The following ARRB1 variants were observed in gnomAD, a reference collection of about 807,000 sequenced individuals.
The protein encoded by ARRB1 is beta-arrestin-1.
Under a neutral mutation model 56.8 loss-of-function variants are expected in ARRB1, and 21 were observed. The observed-to-expected ratio is 0.37, with a 90% CI of 0.26 to 0.53. The LOEUF (loss-of-function observed/expected upper bound fraction) is 0.53. ARRB1 is among the 20% of genes least tolerant of loss of function. The pLI is 0.88. For synonymous variants in ARRB1, 210 were observed against 218.6 expected (o/e 0.96, Z 0.35); for missense variants, 424 against 553.7 (o/e 0.77, Z 2.35).
At chr11:75,270,798 A>C (rs1313736426) in intron 13 of ARRB1, 4 of 152,162 alleles carry the variant, frequency 2.6e-5, no homozygotes, top group African/African-American at 9.7e-5. Flanking sequence ...CTTGTCTCAG[A>C]ATAAAAAATA....
chr11:75,290,639 G>T (rs1419509504), intron 1 of ARRB1, among the ~76,000 whole-genome samples: 2 of 152,164 alleles, frequency 1.3e-5, no homozygotes, highest in African/African-American at 4.8e-5. Flanking sequence ...GAGTGCAGTG[G>T]CGTGATCTCA....
chr11:75,273,323 C>G (rs115052740), intron 11 of ARRB1, among the ~76,000 whole-genome samples: 1 of 145,952 alleles, frequency 6.9e-6, no homozygotes, highest in African/African-American at 2.5e-5. Context: ...AAGGGCCACA[C>G]GGGGAGTTCA....
At position 75,264,043 on chromosome 11, in the gene ARRB1, G is replaced by A. The variant is rs754083251; in HGVS notation, c.*2120C>T. The A allele has an allele frequency of 7.2e-5, 11 of 152,294 alleles. No individual in the cohort carries two copies. The highest frequency in any genetic ancestry group is 2.2e-4 in the African/African-American group (9 of 41,462). 9.4% of individuals were successfully genotyped at this position (152,294 alleles called of 1,614,324 possible). A position where few individuals can be genotyped will look rare whatever the true frequency, so the allele number is the denominator to read the frequency against. ...TCAGCTCTGCGCCTGCCCAGATGAG[G>A]TGCAGCCTGCCCAGCAAGCTCTAGG... On this transcript the variant is annotated 3_prime_UTR_variant, in exon 16 of 16. Coordinates refer to ENST00000420843, the MANE Select transcript of ARRB1 (RefSeq NM_004041.5).
intron 13 of ARRB1, chr11:75,271,423 G>A: frequency 2.8e-6 from 1 of 352,082 alleles, no homozygotes; most frequent in Non-Finnish European, 5.1e-6. Context: ...TAATTCAGGT[G>A]ATCAGTAATT....
Position 75,300,202 on chromosome 11 carries a change from CAAAAA to C in ARRB1, c.21-10168_21-10164del, listed in dbSNP as rs10557397. Among the ~76,000 whole-genome samples the C allele has an allele frequency of 1.8e-3, 158 of 87,310 alleles. 1 individual carries two copies. Among genetic ancestry groups the C allele is most frequent in the African/African-American group, 5.6e-3 (142 of 25,294 alleles). 57.3% of individuals were successfully genotyped at this position (87,310 alleles called of 152,430 possible). A position where few individuals can be genotyped will look rare whatever the true frequency, so the allele number is the denominator to read the frequency against. On this transcript the variant is annotated intron_variant, in intron 1 of 15. Transcript: ENST00000420843. ...TGGGCAACACAGTGAGACTCTGTCT[CAAAAA>C]AAAAAAAAAAAAAAAGAAAGAAAGA...
chr11:75,299,295 A>C (rs971433594), intron 1 of ARRB1, among the ~76,000 whole-genome samples: 1 of 152,024 alleles, frequency 6.6e-6, no homozygotes, highest in East Asian at 1.9e-4. Flanking sequence ...ATGTGCCTAA[A>C]TACTGACAGG....
chr11:75,338,002 A>C (rs2134986440), intron 1 of ARRB1, among the ~76,000 whole-genome samples: 1 of 152,134 alleles, frequency 6.6e-6, no homozygotes, highest in South Asian at 2.1e-4. Flanking sequence ...ATTCCAGCTA[A>C]AGAGATCGGC....
At chr11:75,312,214 G>C (rs1947178179) in intron 1 of ARRB1, 1 of 1,173,916 alleles carries the variant, frequency 8.5e-7, no homozygotes, top group Non-Finnish European at 1.1e-6. Flanking sequence ...CCCTAGGAAT[G>C]ATGGGAAATG....
intron 1 of ARRB1, among the ~76,000 whole-genome samples, chr11:75,349,441 G>C (rs1010582260): frequency 3.9e-5 from 6 of 152,192 alleles, no homozygotes; most frequent in Non-Finnish European, 8.8e-5. Flanking sequence ...AAATACCTTG[G>C]CCTCAGAGAC....
chr11:75,350,861 G>T (rs890547394), intron 1 of ARRB1, among the ~76,000 whole-genome samples: 8 of 152,242 alleles, frequency 5.3e-5, no homozygotes, highest in Admixed American at 3.9e-4. Flanking sequence ...TGAAGCGTGT[G>T]TGTCAGCGGG....
chr11:75,337,599 C>T (rs1023291388), intron 1 of ARRB1, among the ~76,000 whole-genome samples: 1 of 151,866 alleles, frequency 6.6e-6, no homozygotes, highest in Non-Finnish European at 1.5e-5. Context: ...CATTTGCCCT[C>T]GAGCAGAGAG....
rs116988151 is a variant in ARRB1 at position 75,319,561 on chromosome 11, T to A, written c.21-29522A>T. On this transcript the variant is annotated intron_variant, in intron 1 of 15. Transcript: ENST00000420843. ...TGGGAAGTGTTCCCTCAGCACCTTG[T>A]CCGTCCTCACTGCTCCATCAGGTCA... Among the ~76,000 whole-genome samples the A allele has an allele frequency of 1.0e-3, 159 of 152,326 alleles. 3 individuals are homozygous for A. In the East Asian group the frequency reaches 0.03, roughly 29 times the overall value.
At chr11:75,270,774 C>A (rs544130175) in intron 13 of ARRB1, among the ~76,000 whole-genome samples, 3 of 152,132 alleles carry the variant, frequency 2.0e-5, no homozygotes, top group South Asian at 4.2e-4. Context: ...CCAGTCTGGG[C>A]AATAGAATCA....
chr11:75,288,516 C>T (rs1419717406), intron 2 of ARRB1, among the ~76,000 whole-genome samples: 1 of 152,228 alleles, frequency 6.6e-6, no homozygotes, highest in African/African-American at 2.4e-5. Context: ...ATCCCCACAG[C>T]CACTCCTGCC....
chr11:75,284,348 C>G, intron 3 of ARRB1, 69 bp from the exon 4 acceptor site: 1 of 1,450,944 alleles, frequency 6.9e-7, no homozygotes, highest in South Asian at 1.3e-5. Context: ...CCCCAAACAC[C>G]AGCCCAAGCC....
chr11:75,275,116 A>ATATTTTATTTTATTTTATTTT (rs1257066994), intron 10 of ARRB1, among the ~76,000 whole-genome samples: 7 of 53,612 alleles, frequency 1.3e-4, no homozygotes, highest in African/African-American at 4.8e-4. Flanking sequence ...AAACAAATTT[A>ATATTTTATTTTATTTTATTTT]ATTTAAATTT....
chr11:75,293,007 G>A (rs1004343848), intron 1 of ARRB1, among the ~76,000 whole-genome samples: 12 of 152,018 alleles, frequency 7.9e-5, no homozygotes, highest in Non-Finnish European at 1.6e-4. Context: ...TTCCTAAACC[G>A]GGTGTTTTCA....
rs142983263 is a variant in ARRB1, at chr11:75,291,055, T to C, written c.21-1016A>G. 1.7e-3 allele frequency among the ~76,000 whole-genome samples: 255 copies of C among 152,328 alleles called. 2 individuals carry two copies. Among genetic ancestry groups the C allele is most frequent in the South Asian group, 0.015 (71 of 4,824 alleles). On this transcript the variant is annotated intron_variant, in intron 1 of 15. Coordinates refer to ENST00000420843, the MANE Select transcript of ARRB1 (RefSeq NM_004041.5). ...ACCCAGAACAGCACTGCAATCATTGTTTAATAAATGATGGGACCAGGAACG... is the reference window on the plus strand; with the variant it reads ...ACCCAGAACAGCACTGCAATCATTGCTTAATAAATGATGGGACCAGGAACG...
rs952013723 is a variant in ARRB1, at chr11:75,263,499, G to A, written c.*2664C>T. ...TCTGAATCCACCTGGAAAGGGCACCGTCTTCTAATTCACATCAAGGCACCA... is the reference window on the plus strand; with the variant it reads ...TCTGAATCCACCTGGAAAGGGCACCATCTTCTAATTCACATCAAGGCACCA... On this transcript the variant is annotated 3_prime_UTR_variant, in exon 16 of 16. Coordinates refer to ENST00000420843, the MANE Select transcript of ARRB1 (RefSeq NM_004041.5). 6.6e-6 allele frequency among the ~76,000 whole-genome samples: 1 copy of A among 151,958 alleles called. No homozygotes were observed. The highest frequency in any genetic ancestry group is 1.5e-5 in the Non-Finnish European group (1 of 67,964).
Sources: gnomAD v4.1 joint callset for allele counts (sites outside exome capture counted in the v4.1 genomes callset) on GRCh38, gnomAD v4.1.1 for gene constraint, MANE v1.5 for transcripts, NCBI Gene and HGNC (gene_info 2026-07-23, HGNC 2026-07-21) for gene names.